Variants in PTPN14 observed in about 807,000 individuals in gnomAD.
The protein encoded by PTPN14 is tyrosine-protein phosphatase non-receptor type 14.
Under a neutral mutation model 126.8 loss-of-function variants are expected in PTPN14, and 53 were observed. The observed-to-expected ratio is 0.42, with a 90% confidence interval of 0.34 to 0.53. PTPN14 has a LOEUF of 0.53. Ranked by LOEUF, PTPN14 falls within the 20% of genes least tolerant of loss-of-function variation. The pLI is 0.08. For missense variants in PTPN14, 1,257 were observed against 1,552.9 expected, an observed-to-expected ratio of 0.81 and a Z score of 3.20; for synonymous variants, 630 against 599.3, an observed-to-expected ratio of 1.05 and a Z score of -0.75.
At chr1:214,436,704 T>C (rs1372826108) in intron 3 of PTPN14, among the ~76,000 whole-genome samples, 1 of 150,238 alleles carries the variant, frequency 6.7e-6, no homozygotes, top group Non-Finnish European at 1.5e-5. Flanking sequence ...GGAGAATCAC[T>C]TGAACCCGGG....
chr1:214,487,084 C>G (rs1204789482), intron 1 of PTPN14, among the ~76,000 whole-genome samples: 1 of 152,088 alleles, frequency 6.6e-6, no homozygotes, highest in African/African-American at 2.4e-5. Context: ...AAATGAACTG[C>G]ATTGCATCCA....
intron 13 of PTPN14, among the ~76,000 whole-genome samples, chr1:214,381,628 C>A (rs1658474609): frequency 1.3e-5 from 2 of 152,184 alleles, no homozygotes; most frequent in African/African-American, 2.4e-5. Flanking sequence ...CAATTTCTGA[C>A]CCCAGGAACT....
At chr1:214,413,221 G>A (rs1659349295) in intron 4 of PTPN14, among the ~76,000 whole-genome samples, 1 of 152,072 alleles carries the variant, frequency 6.6e-6, no homozygotes, top group Admixed American at 6.6e-5. Context: ...TTGACAATGA[G>A]GGACATATTG....
chr1:214,419,725 T>A (rs1408983035), intron 3 of PTPN14, among the ~76,000 whole-genome samples: 2 of 151,764 alleles, frequency 1.3e-5, no homozygotes, highest in Admixed American at 6.6e-5. Context: ...AGTCCTAGAG[T>A]CCTGGGGTAC....
At chr1:214,390,645 C>T (rs549849757) in intron 11 of PTPN14, among the ~76,000 whole-genome samples, 3 of 152,212 alleles carry the variant, frequency 2.0e-5, no homozygotes, top group Non-Finnish European at 4.4e-5. Flanking sequence ...TTGTGGAGCT[C>T]GTAACTGAAG....
Position 214,451,791 on chromosome 1 carries a change from G to T in PTPN14, c.344+14C>A. On this transcript the variant is annotated intron_variant, in intron 3 of 18. Transcript: ENST00000366956. ...AACACCCTTATATGGCACACAGGGG[G>T]AAAATGCACCTACCTTGTGGCCTCT... 6.2e-7 allele frequency: 1 copy of T among 1,612,922 alleles called. No homozygotes were observed. The highest frequency in any genetic ancestry group is 1.3e-5 in the African/African-American group (1 of 74,982).
At chr1:214,392,624 G>A (rs1004688290) in intron 10 of PTPN14, among the ~76,000 whole-genome samples, 2 of 152,124 alleles carry the variant, frequency 1.3e-5, no homozygotes, top group East Asian at 1.9e-4. Flanking sequence ...GGTGTGGTGC[G>A]GCACATGCGA....
At chr1:214,512,356 C>A (rs1174331262) in intron 1 of PTPN14, among the ~76,000 whole-genome samples, 1 of 152,140 alleles carries the variant, frequency 6.6e-6, no homozygotes, top group African/African-American at 2.4e-5. Flanking sequence ...GCTGCTTCTC[C>A]ATGTGGCCCT....
At chr1:214,444,843 G>A (rs1042314502) in intron 3 of PTPN14, among the ~76,000 whole-genome samples, 1 of 152,014 alleles carries the variant, frequency 6.6e-6, no homozygotes, top group African/African-American at 2.4e-5. Flanking sequence ...GCCCAAATAC[G>A]TAACTGGAAA....
intron 1 of PTPN14, among the ~76,000 whole-genome samples, chr1:214,550,778 C>A (rs751241681): frequency 2.0e-5 from 3 of 152,174 alleles, no homozygotes; most frequent in Non-Finnish European, 4.4e-5. Flanking sequence ...GCAGCTGCAT[C>A]CCCCTACCGC....
intron 7 of PTPN14, among the ~76,000 whole-genome samples, chr1:214,399,629 T>G (rs1658970609): frequency 6.6e-6 from 1 of 152,238 alleles, no homozygotes; most frequent in African/African-American, 2.4e-5. Context: ...TCTTTGCAGC[T>G]ACCATCTCTG....
At chr1:214,415,651 G>A (rs560531152) in intron 3 of PTPN14, among the ~76,000 whole-genome samples, 3 of 152,234 alleles carry the variant, frequency 2.0e-5, no homozygotes, top group East Asian at 1.9e-4. Context: ...GGCAATCGGC[G>A]CTGAGAGCTA....
At chr1:214,514,712 C>G (rs1655058669) in intron 1 of PTPN14, among the ~76,000 whole-genome samples, 1 of 152,186 alleles carries the variant, frequency 6.6e-6, no homozygotes, top group African/African-American at 2.4e-5. Flanking sequence ...ATCATCCAAA[C>G]AAGCCTTCAC....
chr1:214,384,673 G>C lies in PTPN14; in HGVS notation c.1182C>G (p.Val394=), dbSNP rs1302195481. Residue 394 remains valine, a synonymous_variant, in exon 13 of 19, where the codon GTC becomes GTG. Coordinates refer to ENST00000366956, the MANE Select transcript of PTPN14 (RefSeq NM_005401.5). The surrounding 1 kb of genome is among the most constrained non-coding windows in gnomAD (Gnocchi z 5.3). ...TNGSVCSVHS[V]NSLNCSQSFI... ...AACTTTGCGAGCAGTTGAGGGAGTT[G>C]ACGCTGTGAACGCTACACACGCTGC... The C allele has an allele frequency of 1.9e-6, 3 of 1,614,180 alleles. No individual in the cohort carries two copies. Among genetic ancestry groups the C allele is most frequent in the Non-Finnish European group, 2.5e-6 (3 of 1,180,038 alleles).
intron 8 of PTPN14, among the ~76,000 whole-genome samples, chr1:214,397,619 G>A (rs572195286): frequency 9.2e-5 from 14 of 152,314 alleles, no homozygotes; most frequent in African/African-American, 2.9e-4. Context: ...AGTGTTTAGA[G>A]TTAATGACTG....
At chr1:214,505,101 G>A (rs1654802209) in intron 1 of PTPN14, among the ~76,000 whole-genome samples, 1 of 151,878 alleles carries the variant, frequency 6.6e-6, no homozygotes, top group Non-Finnish European at 1.5e-5. Context: ...AAATTTGGGG[G>A]CCCCCAACGA....
At chr1:214,486,763 C>T (rs1273076683) in intron 1 of PTPN14, among the ~76,000 whole-genome samples, 1 of 152,164 alleles carries the variant, frequency 6.6e-6, no homozygotes, top group Non-Finnish European at 1.5e-5. Flanking sequence ...AACAACCTCC[C>T]TGAACCCTCT....
rs985734835 is a variant in PTPN14, at chr1:214,483,495, A to C, written c.-154-18538T>G. ...ACCCTTCCCCACCCGCCTCCAGTTAACAACTTTCACTGTCTTGAAGTTTCT... is the reference window on the plus strand; with the variant it reads ...ACCCTTCCCCACCCGCCTCCAGTTACCAACTTTCACTGTCTTGAAGTTTCT... On this transcript the variant is annotated intron_variant, in intron 1 of 18. Transcript: ENST00000366956. The C allele has an allele frequency of 4.2e-6, 3 of 717,784 alleles. No homozygotes were observed. In the Admixed American group the frequency reaches 7.8e-5, roughly 19 times the overall value. The allele number at this position is 717,784 out of a possible 1,614,324, so 44.5% of individuals were successfully genotyped here. A position where few individuals can be genotyped will look rare whatever the true frequency, so the allele number is the denominator to read the frequency against.
chr1:214,392,248 A>C lies in PTPN14; in HGVS notation c.930-1203T>G, dbSNP rs186914851. Among the ~76,000 whole-genome samples, 580 of 152,180 alleles carry C rather than the reference A, an allele frequency of 3.8e-3. 2 individuals carry two copies. Among genetic ancestry groups the C allele is most frequent in the Admixed American group, 7.3e-3 (112 of 15,284 alleles). Reference sequence around the variant, plus strand: ...ATTTTGAGAGCGTGCCCCAGGTTTTAATCAGGTAAGAGGTTAGGAACCTCT... The same window carrying C: ...ATTTTGAGAGCGTGCCCCAGGTTTTCATCAGGTAAGAGGTTAGGAACCTCT... On this transcript the variant is annotated intron_variant, in intron 10 of 18. Coordinates refer to ENST00000366956, the MANE Select transcript of PTPN14 (RefSeq NM_005401.5).
Sources: allele counts gnomAD v4.1 joint callset (sites outside exome capture counted in the v4.1 genomes callset), GRCh38; gene constraint gnomAD v4.1.1; non-coding constraint Gnocchi (gnomAD v3.1); transcripts MANE v1.5; gene names NCBI Gene and HGNC (gene_info 2026-07-23, HGNC 2026-07-21).